COL6A3: variants seen among roughly 807,000 people sequenced by gnomAD.
COL6A3 encodes collagen type VI alpha 3 chain, also known as collagen alpha-3(VI) chain.
COL6A3 carries 137 observed loss-of-function variants against 274.1 expected under a neutral mutation model. The ratio of observed to expected loss-of-function variants is 0.50; its 90% CI spans 0.44 to 0.58. The LOEUF (loss-of-function observed/expected upper bound fraction) is 0.58, where lower values mean the gene tolerates loss of function less well. COL6A3 is among the 20% of genes least tolerant of loss of function. The pLI is 0.00. For synonymous variants in COL6A3, 1,650 were observed against 1,650.6 expected, an observed-to-expected ratio of 1.00 and a Z score of 0.01; for missense variants, 3,950 against 4,124.9, an observed-to-expected ratio of 0.96 and a Z score of 1.16.
In COL6A3 at chr2:237,344,199, C is replaced by G; in HGVS notation, c.7668+151G>C. ...GGAGCCACGAGGTTGTCCTGGAGAC[C>G]TCACAAGAGAAGTTCTCAGGCAGAT... On this transcript the variant is annotated intron_variant, in intron 36 of 43. Coordinates refer to ENST00000295550, the MANE Select transcript of COL6A3 (RefSeq NM_004369.4). This position sits in a 1 kb window ranked among gnomAD's most constrained non-coding sequence, Gnocchi z 4.8. 1 of 1,203,522 alleles carries G rather than the reference C, an allele frequency of 8.3e-7. No homozygotes were observed. Among genetic ancestry groups the G allele is most frequent in the Non-Finnish European group, 1.2e-6 (1 of 819,636 alleles). The allele number at this position is 1,203,522 out of a possible 1,614,324, so 74.6% of individuals were successfully genotyped here.
At chr2:237,388,628 T>C (rs1290507886) in intron 3 of COL6A3, among the ~76,000 whole-genome samples, 1 of 152,176 alleles carries the variant, frequency 6.6e-6, no homozygotes, top group African/African-American at 2.4e-5. Context: ...TTCTCCTGCC[T>C]CCTCAAATGA....
intron 17 of COL6A3, 60 bp from the exon 18 acceptor site, chr2:237,359,448 AGAAGAG>A: frequency 6.3e-7 from 1 of 1,582,562 alleles, no homozygotes; most frequent in Middle Eastern, 1.7e-4. Context: ...TCCCTCGGGC[AGAAGAG>A]GCCAAGGGCT....
At position 237,358,487 on chromosome 2, in the gene COL6A3, T is replaced by A. The variant is rs751117660; in HGVS notation, c.6471+34A>T. On this transcript the variant is annotated intron_variant, in intron 21 of 43. Coordinates refer to ENST00000295550, the MANE Select transcript of COL6A3 (RefSeq NM_004369.4). ...TTCCCAACAACCCTCTTCCCCAGGCTCAGGTCTGAAATCGTCAATAAAGAA... is the reference window on the plus strand; with the variant it reads ...TTCCCAACAACCCTCTTCCCCAGGCACAGGTCTGAAATCGTCAATAAAGAA... 6 of 1,575,456 alleles carry A rather than the reference T, an allele frequency of 3.8e-6. No individual in the cohort carries two copies. In the Admixed American group the frequency reaches 1.0e-4, roughly 26 times the overall value.
Position 237,394,759 on chromosome 2 carries a change from A to C in COL6A3, c.537T>G (p.Asp179Glu), listed in dbSNP as rs1279724363. The C allele has an allele frequency of 6.2e-7, 1 of 1,614,116 alleles. No homozygotes were observed. The highest frequency in any genetic ancestry group is 1.3e-5 in the African/African-American group (1 of 74,926). Reference protein sequence around the residue: ...DVNVFAIGVEDADEGALKEIA... With the variant: ...DVNVFAIGVEEADEGALKEIA... The stretch of plus-strand genomic sequence containing the variant: ...TTTCTTTTAACGCTCCTTCATCTGC[A>C]TCCTCAACTCCAATTGCAAACACGT... Residue 179 changes from aspartate (D) to glutamate (E), a missense_variant, in exon 3 of 44, where the codon GAT (aspartate) becomes GAG (glutamate). Physicochemically the swap from Asp to Glu is conservative, Grantham distance 45. Around this residue, in one of 5 missense-constraint regions of COL6A3, gnomAD observed 1,934 missense variants for 1,984.3 expected, o/e 0.97. Coordinates refer to ENST00000295550, the MANE Select transcript of COL6A3 (RefSeq NM_004369.4).
Position 237,344,295 on chromosome 2 carries a change from C to G in COL6A3, c.7668+55G>C. 1.2e-6 allele frequency: 2 copies of G among 1,612,624 alleles called. No homozygotes were observed. The highest frequency in any genetic ancestry group is 1.1e-5 in the South Asian group (1 of 90,898). ...AAGGAGCATGGACGTGTCTGAGAAC[C>G]TTCTCAGAGCCCCAGAAGAAAGGGA... On this transcript the variant is annotated intron_variant, in intron 36 of 43. Transcript: ENST00000295550. This position sits in a 1 kb window ranked among gnomAD's most constrained non-coding sequence, Gnocchi z 4.8.
Position 237,324,679 on chromosome 2 carries a change from T to C in COL6A3, c.*95A>G. The C allele has an allele frequency of 9.0e-7, 1 of 1,116,826 alleles. No individual in the cohort carries two copies. Among genetic ancestry groups the C allele is most frequent in the Non-Finnish European group, 1.4e-6 (1 of 736,456 alleles). The allele number at this position is 1,116,826 out of a possible 1,614,324, so 69.2% of individuals were successfully genotyped here. A position where few individuals can be genotyped will look rare whatever the true frequency, so the allele number is the denominator to read the frequency against. On this transcript the variant is annotated 3_prime_UTR_variant, in exon 44 of 44. Transcript: ENST00000295550. ...TAAATCAAAGCATGAAATGATACAG[T>C]GCAAGGGAATCTACACCCGGAGCTT...
At chr2:237,362,977 G>T (rs545061488) in intron 14 of COL6A3, among the ~76,000 whole-genome samples, 1 of 152,322 alleles carries the variant, frequency 6.6e-6, no homozygotes, top group South Asian at 2.1e-4. Context: ...AGAGGCCGTT[G>T]CTAAGGGAGC....
At chr2:237,393,960 G>T (rs974849132) in intron 3 of COL6A3, among the ~76,000 whole-genome samples, 12 of 152,204 alleles carry the variant, frequency 7.9e-5, no homozygotes, top group African/African-American at 2.7e-4. Context: ...ACCGCATGGA[G>T]AAGAAATAAG....
intron 14 of COL6A3, among the ~76,000 whole-genome samples, chr2:237,363,041 G>A (rs1004210417): frequency 6.6e-5 from 10 of 152,074 alleles, no homozygotes; most frequent in Non-Finnish European, 1.2e-4. Flanking sequence ...CTTCCAGCTC[G>A]CTGGATTTCC....
intron 9 of COL6A3, 152 bp from the exon 10 acceptor site, chr2:237,369,329 C>T (rs547264673): frequency 2.5e-5 from 28 of 1,108,588 alleles, no homozygotes; most frequent in East Asian, 2.3e-4. Flanking sequence ...TGAAATTAGC[C>T]GTTAAAAATT....
intron 32 of COL6A3, 132 bp downstream of exon 32, chr2:237,346,371 C>T (rs2077097258): frequency 1.1e-5 from 8 of 753,250 alleles, no homozygotes; most frequent in Admixed American, 7.8e-5. Flanking sequence ...GTCAGAGAGG[C>T]GGTTTGACAA....
chr2:237,393,522 C>T lies in COL6A3; in HGVS notation c.709+1065G>A, dbSNP rs182673857. Among the ~76,000 whole-genome samples, 7 of 152,312 alleles carry T rather than the reference C, an allele frequency of 4.6e-5. No homozygotes were observed. In the East Asian group the frequency reaches 1.4e-3, roughly 29 times the overall value. On this transcript the variant is annotated intron_variant, in intron 3 of 43. Coordinates refer to ENST00000295550, the MANE Select transcript of COL6A3 (RefSeq NM_004369.4). ...CATGCCTTCCCTCCATCTCAGAGAA[C>T]ATGTGTGTCTCCTTTCTGGAGCTCA...
intron 8 of COL6A3, among the ~76,000 whole-genome samples, chr2:237,372,591 G>A (rs1405057649): frequency 6.6e-6 from 1 of 152,226 alleles, no homozygotes; most frequent in Non-Finnish European, 1.5e-5. Flanking sequence ...TGGTACTTGG[G>A]AAGGACGTGA....
chr2:237,344,337 A>G lies in COL6A3; in HGVS notation c.7668+13T>C. On this transcript the variant is annotated intron_variant, in intron 36 of 43. Transcript: ENST00000295550. The surrounding 1 kb of genome is among the most constrained non-coding windows in gnomAD (Gnocchi z 4.8). ...AGAAAGGGAGATGCCAACAGCACGC[A>G]CAGAGCACAGACCTGCAAAGCGTTG... 1 of 1,614,192 alleles carries G rather than the reference A, an allele frequency of 6.2e-7. No homozygotes were observed. The highest frequency in any genetic ancestry group is 8.5e-7 in the Non-Finnish European group (1 of 1,180,030).
Position 237,412,814 on chromosome 2 carries a change from G to T in COL6A3, c.-31+1139C>A, listed in dbSNP as rs536393188. On this transcript the variant is annotated intron_variant, in intron 1 of 43. Coordinates refer to ENST00000295550, the MANE Select transcript of COL6A3 (RefSeq NM_004369.4). ...CTAGCACCCTGTGGTCCTCGCCGGG[G>T]TGAGCTGTATGTGGGGAGAGAAGCC... is the stretch of plus-strand genomic sequence containing the variant. Among the ~76,000 whole-genome samples the T allele has an allele frequency of 2.0e-4, 30 of 152,250 alleles. No individual in the cohort carries two copies. In the South Asian group the frequency reaches 6.0e-3, roughly 31 times the overall value.
At position 237,378,878 on chromosome 2, in the gene COL6A3, G is replaced by T; in HGVS notation, c.2255C>A (p.Ala752Asp). 1 of 1,614,240 alleles carries T rather than the reference G, an allele frequency of 6.2e-7. No homozygotes were observed. Among genetic ancestry groups the T allele is most frequent in the South Asian group, 1.1e-5 (1 of 91,084 alleles). ...HVPQLLLLLT[A>D]GQSEDSYLQA... ...CAAATAGGAGTCCTCAGACTGCCCA[G>T]CTGTGAGCAGAAGCAGGAGCTGCGG... Residue 752 changes from alanine to aspartate, a missense_variant, in exon 6 of 44, where the codon GCT becomes GAT. Around this residue, in one of 5 missense-constraint regions of COL6A3, gnomAD observed 1,934 missense variants for 1,984.3 expected, o/e 0.97. Transcript: ENST00000295550.
intron 1 of COL6A3, among the ~76,000 whole-genome samples, chr2:237,404,060 T>C (rs989440948): frequency 6.6e-6 from 1 of 152,198 alleles, no homozygotes; most frequent in Non-Finnish European, 1.5e-5. Flanking sequence ...GTACATTTTA[T>C]ATGTGCTATT....
At chr2:237,409,447 T>C (rs768368408) in intron 1 of COL6A3, among the ~76,000 whole-genome samples, 1 of 152,196 alleles carries the variant, frequency 6.6e-6, no homozygotes, top group Non-Finnish European at 1.5e-5. Context: ...ACCTCAGGGC[T>C]CAAGGCCATG....
intron 3 of COL6A3, among the ~76,000 whole-genome samples, chr2:237,394,066 C>T (rs2106386916): frequency 6.6e-6 from 1 of 152,294 alleles, no homozygotes; most frequent in Non-Finnish European, 1.5e-5. Flanking sequence ...TAGACTGGAT[C>T]ATAGCTGAGG....
Sources: allele counts gnomAD v4.1 joint callset (sites outside exome capture counted in the v4.1 genomes callset), GRCh38; gene constraint gnomAD v4.1.1; regional missense constraint gnomAD v4.1.1; non-coding constraint Gnocchi (gnomAD v3.1); transcripts MANE v1.5; gene names NCBI Gene and HGNC (gene_info 2026-07-23, HGNC 2026-07-21).